The following ARHGAP10 variants were observed in gnomAD, a reference collection of about 807,000 sequenced individuals.
ARHGAP10 encodes rho GTPase-activating protein 10.
In ARHGAP10, 87 loss-of-function variants were observed where a neutral mutation model predicts 108.6. The observed-to-expected ratio is 0.80, with a 90% CI of 0.67 to 0.96. The LOEUF is 0.96. Ranked by LOEUF, ARHGAP10 falls within the 40% of genes least tolerant of loss-of-function variation. The pLI is 0.00. For missense variants in ARHGAP10, 939 were observed against 954.5 expected, an observed-to-expected ratio of 0.98 and a Z score of 0.21; for synonymous variants, 347 against 341.1, an observed-to-expected ratio of 1.02 and a Z score of -0.19.
intron 19 of ARHGAP10, among the ~76,000 whole-genome samples, chr4:148,030,164 T>C (rs1201414762): frequency 6.6e-6 from 1 of 152,174 alleles, no homozygotes; most frequent in Non-Finnish European, 1.5e-5. Flanking sequence ...ACATAGCTGC[T>C]TCTGTGGTGA....
At chr4:147,777,266 T>TC (rs1410936657) in intron 1 of ARHGAP10, among the ~76,000 whole-genome samples, 13 of 151,236 alleles carry the variant, frequency 8.6e-5, no homozygotes, top group Non-Finnish European at 1.8e-4. Flanking sequence ...GATTTTCTTT[T>TC]TTTTTTTTTT....
At chr4:147,762,506 ATTTATTTATTTATT>A (rs1338167978) in intron 1 of ARHGAP10, among the ~76,000 whole-genome samples, 2 of 149,478 alleles carry the variant, frequency 1.3e-5, no homozygotes, top group African/African-American at 4.9e-5. Flanking sequence ...TTGCTTATTT[ATTTATTTATTTATT>A]TTTATTTATT....
At chr4:147,949,108 T>A (rs1738498407) in intron 15 of ARHGAP10, among the ~76,000 whole-genome samples, 1 of 152,196 alleles carries the variant, frequency 6.6e-6, no homozygotes, top group African/African-American at 2.4e-5. Context: ...TGGGTGATAG[T>A]TATGTATTAC....
chr4:147,817,320 T>A (rs1431237517), intron 1 of ARHGAP10, among the ~76,000 whole-genome samples: 2 of 152,138 alleles, frequency 1.3e-5, no homozygotes, highest in Non-Finnish European at 2.9e-5. Context: ...GCTGCCTAGA[T>A]GGGCAGTCAA....
intron 1 of ARHGAP10, among the ~76,000 whole-genome samples, chr4:147,755,499 G>T (rs1579004465): frequency 6.6e-6 from 1 of 152,056 alleles, no homozygotes; most frequent in Non-Finnish European, 1.5e-5. Context: ...CTCCAGCCTG[G>T]GCAACAAGAG....
chr4:147,951,993 G>T (rs1738620264), intron 15 of ARHGAP10, among the ~76,000 whole-genome samples: 1 of 152,012 alleles, frequency 6.6e-6, no homozygotes, highest in South Asian at 2.1e-4. Flanking sequence ...TGCAATTCCT[G>T]TAATTTTATA....
At chr4:148,054,997 C>T (rs1250605297) in intron 20 of ARHGAP10, among the ~76,000 whole-genome samples, 2 of 152,106 alleles carry the variant, frequency 1.3e-5, no homozygotes, top group African/African-American at 4.8e-5. Context: ...TCGAATGCCC[C>T]CTAATTTTCT....
chr4:147,775,202 C>T (rs1218429733), intron 1 of ARHGAP10, among the ~76,000 whole-genome samples: 2 of 152,160 alleles, frequency 1.3e-5, no homozygotes, highest in Non-Finnish European at 2.9e-5. Flanking sequence ...CGTGAGCCAC[C>T]GCACCGGCCT....
intron 5 of ARHGAP10, 128 bp downstream of exon 5, chr4:147,857,782 A>G: frequency 2.5e-6 from 2 of 798,112 alleles, no homozygotes; most frequent in Non-Finnish European, 3.4e-6. Context: ...GTGAACAGGT[A>G]TTGTCATAAA....
intron 22 of ARHGAP10, among the ~76,000 whole-genome samples, chr4:148,066,307 G>A (rs546811112): frequency 1.3e-3 from 193 of 152,292 alleles, no homozygotes; most frequent in Middle Eastern, 3.4e-3. Context: ...GCAGAACTGA[G>A]TCACATGCTT....
At chr4:147,993,817 T>C (rs1254691622) in intron 18 of ARHGAP10, among the ~76,000 whole-genome samples, 1 of 152,228 alleles carries the variant, frequency 6.6e-6, no homozygotes. Context: ...AATACAAAAC[T>C]CTTTTTCCTA....
chr4:147,870,512 C>T (rs1734771752), intron 7 of ARHGAP10, among the ~76,000 whole-genome samples: 1 of 150,910 alleles, frequency 6.6e-6, no homozygotes, highest in Non-Finnish European at 1.5e-5. Context: ...AAAGCGAAAA[C>T]CTATTTTTCC....
At chr4:148,003,836 C>T (rs1740833166) in intron 18 of ARHGAP10, among the ~76,000 whole-genome samples, 1 of 114,380 alleles carries the variant, frequency 8.7e-6, no homozygotes, top group African/African-American at 5.0e-5. Flanking sequence ...CTGAATACAG[C>T]ACACTGATAG....
chr4:147,978,040 C>T (rs1416496522), intron 18 of ARHGAP10, among the ~76,000 whole-genome samples: 1 of 152,060 alleles, frequency 6.6e-6, no homozygotes, highest in African/African-American at 2.4e-5. Context: ...GTATATGTAC[C>T]ACATTTTCTT....
At chr4:148,008,473 G>C (rs150696625) in intron 18 of ARHGAP10, among the ~76,000 whole-genome samples, 330 of 151,438 alleles carry the variant, frequency 2.2e-3, no homozygotes, top group African/African-American at 7.6e-3. Flanking sequence ...ATCCCCACTG[G>C]GGGTGGTGGT....
chr4:147,856,802 G>T (rs1471024538), intron 4 of ARHGAP10, among the ~76,000 whole-genome samples: 1 of 151,954 alleles, frequency 6.6e-6, no homozygotes, highest in Non-Finnish European at 1.5e-5. Context: ...TTCCCAAGAT[G>T]TTTTTTTTCC....
At chr4:148,028,353 T>C (rs2149667451) in intron 19 of ARHGAP10, among the ~76,000 whole-genome samples, 1 of 152,174 alleles carries the variant, frequency 6.6e-6, no homozygotes, top group Middle Eastern at 3.4e-3. Context: ...AAGGGACAAA[T>C]GGGTGGATTG....
intron 11 of ARHGAP10, among the ~76,000 whole-genome samples, chr4:147,909,190 A>G (rs1000407160): frequency 6.6e-6 from 1 of 152,222 alleles, no homozygotes; most frequent in Non-Finnish European, 1.5e-5. Context: ...TATAAAAGTT[A>G]CAACTCTGCA....
At chr4:147,904,214 T>TTTTC (rs754238639) in intron 10 of ARHGAP10, among the ~76,000 whole-genome samples, 8 of 152,064 alleles carry the variant, frequency 5.3e-5, no homozygotes, top group Non-Finnish European at 7.4e-5. Context: ...AGGGTGCATC[T>TTTTC]TTTCTTTCTT....
Sources: gnomAD v4.1 joint callset for allele counts (sites outside exome capture counted in the v4.1 genomes callset) on GRCh38, gnomAD v4.1.1 for gene constraint, MANE v1.5 for transcripts, NCBI Gene and HGNC (gene_info 2026-07-23, HGNC 2026-07-21) for gene names.